The following FOXO3 variants were observed in gnomAD, a reference collection of about 807,000 sequenced individuals.
The protein encoded by FOXO3 is forkhead box O3.
Under a neutral mutation model 41.9 loss-of-function variants are expected in FOXO3, and 4 were observed. The ratio of observed to expected loss-of-function variants is 0.10; its 90% CI spans 0.05 to 0.22. The LOEUF is 0.22. Ranked by LOEUF, FOXO3 falls within the 10% of genes least tolerant of loss-of-function variation. The pLI is 1.00. For missense variants in FOXO3, 534 were observed against 906.8 expected (o/e 0.59, Z 5.28); for synonymous variants, 318 against 389.3 (o/e 0.82, Z 2.16).
intron 1 of FOXO3, among the ~76,000 whole-genome samples, chr6:108,632,308 G>C (rs1460407368): frequency 1.3e-5 from 2 of 152,142 alleles, no homozygotes; most frequent in Non-Finnish European, 2.9e-5. Context: ...GTAAGGGGTA[G>C]CTGGGGAACA....
chr6:108,589,139 T>C (rs1776665046), intron 1 of FOXO3, among the ~76,000 whole-genome samples: 1 of 152,212 alleles, frequency 6.6e-6, no homozygotes, highest in South Asian at 2.1e-4. Flanking sequence ...TCGCAAGTAG[T>C]TGTTTTCCAT....
chr6:108,627,214 A>G (rs768421135), intron 1 of FOXO3, among the ~76,000 whole-genome samples: 1 of 152,194 alleles, frequency 6.6e-6, no homozygotes, highest in Admixed American at 6.5e-5. Flanking sequence ...ATGGACACAT[A>G]CAGGCTGGTC....
chr6:108,642,176 G>A (rs1033130337), intron 1 of FOXO3, among the ~76,000 whole-genome samples: 1 of 147,332 alleles, frequency 6.8e-6, no homozygotes, highest in African/African-American at 2.5e-5. Context: ...GCAACCTCCC[G>A]TTCCCAGGCT....
Position 108,663,656 on chromosome 6 carries a change from C to T in FOXO3, c.823C>T (p.Gln275Ter), listed in dbSNP as rs1157921727. 1 of 1,612,950 alleles carries T rather than the reference C, an allele frequency of 6.2e-7. No homozygotes were observed. The highest frequency in any genetic ancestry group is 1.3e-5 in the African/African-American group (1 of 74,902). Residue 275 changes from glutamine (Q) to a stop codon, truncating the protein, a stop_gained, in exon 2 of 3, where the codon CAG (glutamine) becomes TAG (stop). Transcript: ENST00000406360. LOFTEE classifies it high-confidence loss of function. Reference protein sequence around the residue: ...GRAAKKKAALQTAPESADDSP... With the variant: ...GRAAKKKAAL ...CGCAGCCAAGAAGAAGGCAGCCCTG[C>T]AGACAGCCCCCGAATCAGCTGACGA...
chr6:108,571,615 T>C (rs1275742065), intron 1 of FOXO3, among the ~76,000 whole-genome samples: 1 of 152,168 alleles, frequency 6.6e-6, no homozygotes, highest in Non-Finnish European at 1.5e-5. Flanking sequence ...GATGCAGTTA[T>C]AAGCCAAAGA....
At chr6:108,636,353 C>G (rs1323132819) in intron 1 of FOXO3, among the ~76,000 whole-genome samples, 1 of 152,152 alleles carries the variant, frequency 6.6e-6, no homozygotes, top group Non-Finnish European at 1.5e-5. Flanking sequence ...CACTAGATCT[C>G]TAAACAGGAG....
chr6:108,636,762 C>A (rs1778132204), intron 1 of FOXO3, among the ~76,000 whole-genome samples: 1 of 152,044 alleles, frequency 6.6e-6, no homozygotes, highest in Non-Finnish European at 1.5e-5. Flanking sequence ...CAAAGACCAC[C>A]CAGCCTAGCA....
chr6:108,664,157 T>G lies in FOXO3; in HGVS notation c.1324T>G (p.Ser442Ala), dbSNP rs1463790427. Reference protein sequence around the residue: ...STVFGPSSLNSLRQSPMQTIQ... With the variant: ...STVFGPSSLNALRQSPMQTIQ... ...GGTGTTCGGACCTTCATCTCTGAACTCCCTACGCCAGTCTCCCATGCAGAC... is the reference window on the plus strand; with the variant it reads ...GGTGTTCGGACCTTCATCTCTGAACGCCCTACGCCAGTCTCCCATGCAGAC... The change falls in exon 2 of 3, where the codon TCC becomes GCC. Residue 442 changes from serine to alanine, a missense_variant. Physicochemically the swap from Ser to Ala is moderately conservative, Grantham distance 99. Coordinates refer to ENST00000406360, the MANE Select transcript of FOXO3 (RefSeq NM_001455.4). 6.2e-7 allele frequency: 1 copy of G among 1,613,802 alleles called. No individual in the cohort carries two copies. The highest frequency in any genetic ancestry group is 1.1e-5 in the South Asian group (1 of 91,064).
At chr6:108,653,535 T>C (rs1778604309) in intron 1 of FOXO3, among the ~76,000 whole-genome samples, 1 of 152,170 alleles carries the variant, frequency 6.6e-6, no homozygotes. Flanking sequence ...TGTGCCTCTT[T>C]GGTCCTCAGG....
chr6:108,602,254 T>C (rs1021197690), intron 1 of FOXO3, among the ~76,000 whole-genome samples: 13 of 152,290 alleles, frequency 8.5e-5, no homozygotes, highest in African/African-American at 3.1e-4. Flanking sequence ...AGTCACTCTT[T>C]TTTTTCTTTC....
intron 1 of FOXO3, among the ~76,000 whole-genome samples, chr6:108,629,321 T>C (rs1216779466): frequency 1.3e-5 from 2 of 152,010 alleles, no homozygotes; most frequent in Non-Finnish European, 2.9e-5. Flanking sequence ...GAAAGGCAGG[T>C]AAGATTGAGA....
chr6:108,634,550 G>A (rs1365143919), intron 1 of FOXO3, among the ~76,000 whole-genome samples: 2 of 152,268 alleles, frequency 1.3e-5, no homozygotes, highest in African/African-American at 4.8e-5. Flanking sequence ...TTGAGGTTGT[G>A]TACTTGGGTC....
intron 2 of FOXO3, among the ~76,000 whole-genome samples, chr6:108,672,005 G>A (rs1458490375): frequency 4.6e-5 from 7 of 152,162 alleles, no homozygotes; most frequent in South Asian, 2.1e-4. Flanking sequence ...GGTACCCATC[G>A]GTGTCCACAG....
At chr6:108,650,417 A>G (rs1031907600) in intron 1 of FOXO3, among the ~76,000 whole-genome samples, 13 of 152,130 alleles carry the variant, frequency 8.5e-5, no homozygotes, top group African/African-American at 3.1e-4. Flanking sequence ...TTCTATTTCT[A>G]CTGTGTGTTC....
At chr6:108,653,909 TAAAAG>T (rs1049684262) in intron 1 of FOXO3, among the ~76,000 whole-genome samples, 11 of 152,208 alleles carry the variant, frequency 7.2e-5, no homozygotes, top group African/African-American at 2.2e-4. Flanking sequence ...AGCATGGTCT[TAAAAG>T]AGAATTTCAG....
intron 2 of FOXO3, among the ~76,000 whole-genome samples, chr6:108,676,623 A>G (rs1770602749): frequency 6.6e-6 from 1 of 152,244 alleles, no homozygotes; most frequent in African/African-American, 2.4e-5. Flanking sequence ...CCGTATAACT[A>G]AAATGTCATA....
chr6:108,631,902 C>T (rs1331261841), intron 1 of FOXO3, among the ~76,000 whole-genome samples: 1 of 152,170 alleles, frequency 6.6e-6, no homozygotes, highest in Non-Finnish European at 1.5e-5. Flanking sequence ...CCCTGCTCCA[C>T]CCCTCCCCCC....
intron 1 of FOXO3, among the ~76,000 whole-genome samples, chr6:108,591,371 A>C (rs1057214842): frequency 5.3e-5 from 8 of 152,184 alleles, no homozygotes; most frequent in African/African-American, 1.9e-4. Flanking sequence ...GGTTACACAA[A>C]ATTTAAATGG....
chr6:108,561,122 G>T lies in FOXO3; in HGVS notation c.-87G>T. The T allele has an allele frequency of 7.0e-7, 1 of 1,436,266 alleles. No homozygotes were observed. Among genetic ancestry groups the T allele is most frequent in the Non-Finnish European group, 9.1e-7 (1 of 1,104,450 alleles). 89.0% of individuals were successfully genotyped at this position (1,436,266 alleles called of 1,614,324 possible). A position where few individuals can be genotyped will look rare whatever the true frequency, so the allele number is the denominator to read the frequency against. On this transcript the variant is annotated 5_prime_UTR_variant, in exon 1 of 3. Coordinates refer to ENST00000406360, the MANE Select transcript of FOXO3 (RefSeq NM_001455.4). ...GGCGCCCGGGAGCCGGAGCCTTCGC[G>T]GCGTCCACGTCCCTCCCCCGCTGCA...
Sources: allele counts gnomAD v4.1 joint callset (sites outside exome capture counted in the v4.1 genomes callset), GRCh38; gene constraint gnomAD v4.1.1; transcripts MANE v1.5; gene names NCBI Gene and HGNC (gene_info 2026-07-23, HGNC 2026-07-21).